The following HERC4 variants were observed in gnomAD, a reference collection of about 807,000 sequenced individuals.
The protein encoded by HERC4 is probable E3 ubiquitin-protein ligase HERC4.
HERC4 carries 28 observed loss-of-function variants against 124.3 expected under a neutral mutation model. The ratio of observed to expected loss-of-function variants is 0.23; its 90% CI spans 0.17 to 0.31. The LOEUF (loss-of-function observed/expected upper bound fraction) is 0.31, where lower values mean the gene tolerates loss of function less well. Among genes scored for constraint, HERC4 ranks in the 10% least tolerant of loss-of-function variants. HERC4 has a pLI of 1.00. For missense variants in HERC4, 713 were observed against 1,229.3 expected (o/e 0.58, Z 6.28); for synonymous variants, 407 against 421.5 (o/e 0.97, Z 0.42).
In HERC4 at chr10:68,025,693, C is replaced by T; in HGVS notation, c.778-17G>A. ...TCCACCTTCCTAAAAAAAGACAAAA[C>T]CCCTTATCATTAGAAGGCATGATAA... On this transcript the variant is annotated splice_polypyrimidine_tract_variant and intron_variant, in intron 7 of 24. Transcript: ENST00000373700. The T allele has an allele frequency of 7.5e-6, 12 of 1,598,192 alleles. No individual in the cohort carries two copies. Among genetic ancestry groups the T allele is most frequent in the East Asian group, 2.2e-5 (1 of 44,490 alleles).
chr10:67,924,382 G>C (rs1478060915), intron 24 of HERC4, among the ~76,000 whole-genome samples: 1 of 152,126 alleles, frequency 6.6e-6, no homozygotes, highest in Non-Finnish European at 1.5e-5. Context: ...ACACAACCTA[G>C]ACAGTATATA....
intron 16 of HERC4, among the ~76,000 whole-genome samples, chr10:67,962,973 A>C (rs369813193): frequency 1.3e-5 from 2 of 152,208 alleles, no homozygotes; most frequent in African/African-American, 4.8e-5. Flanking sequence ...AATCTTCTCA[A>C]AACTTTTTAA....
intron 21 of HERC4, among the ~76,000 whole-genome samples, chr10:67,938,372 C>T (rs188718853): frequency 2.0e-3 from 302 of 147,372 alleles, no homozygotes; most frequent in Non-Finnish European, 3.1e-3. Flanking sequence ...ACCTGGGAGG[C>T]GGAGGTTGCA....
chr10:67,939,641 A>G lies in HERC4; in HGVS notation c.2518T>C (p.Leu840=), dbSNP rs1203351621. 6.2e-7 allele frequency: 1 copy of G among 1,604,610 alleles called. No homozygotes were observed. Among genetic ancestry groups the G allele is most frequent in the Admixed American group, 1.7e-5 (1 of 58,506 alleles). The change falls in exon 21 of 25, where the codon TTA becomes CTA. Residue 840 remains leucine, a synonymous_variant. Coordinates refer to ENST00000373700, the MANE Select transcript of HERC4 (RefSeq NM_015601.4). ...MPDVGRSMQQ[L]LDYPEDDIEE... is the part of the protein sequence containing the mutation. ...ATGTCATCTTCTGGATAATCCAGTA[A>G]CTGTTGCATGCTTCTGCAAAATAAT... is the stretch of plus-strand genomic sequence containing the variant.
intron 15 of HERC4, among the ~76,000 whole-genome samples, chr10:67,974,837 G>A (rs575171495): frequency 2.0e-5 from 3 of 152,276 alleles, no homozygotes; most frequent in Non-Finnish European, 4.4e-5. Context: ...TCAGGCTTCA[G>A]TATGCATATC....
chr10:67,977,906 G>A (rs934912376), intron 15 of HERC4, among the ~76,000 whole-genome samples: 11 of 151,630 alleles, frequency 7.3e-5, no homozygotes, highest in South Asian at 6.2e-4. Context: ...GCTTGAGCCT[G>A]GGAGGTAGAG....
rs1251118051 is a variant in HERC4 at position 68,075,251 on chromosome 10, G to T, written c.-216C>A. 2 of 153,106 alleles carry T rather than the reference G, an allele frequency of 1.3e-5. No homozygotes were observed. The highest frequency in any genetic ancestry group is 4.8e-5 in the African/African-American group (2 of 41,428). 9.5% of individuals were successfully genotyped at this position (153,106 alleles called of 1,614,324 possible). On this transcript the variant is annotated 5_prime_UTR_variant, in exon 1 of 25. Coordinates refer to ENST00000373700, the MANE Select transcript of HERC4 (RefSeq NM_015601.4). Reference sequence around the variant, plus strand: ...GAACGGGAGGCAAGCGGGGCGGAGAGCACCAGGGGTGGGGAGAGTTGGGGA... The same window carrying T: ...GAACGGGAGGCAAGCGGGGCGGAGATCACCAGGGGTGGGGAGAGTTGGGGA...
At chr10:67,932,922 G>A in intron 22 of HERC4, 142 bp from the exon 23 acceptor site, 1 of 644,290 alleles carries the variant, frequency 1.6e-6, no homozygotes, top group South Asian at 2.4e-5. Flanking sequence ...CGTTCAAACA[G>A]GACAAAACCA....
chr10:68,028,218 A>C (rs2133302576), intron 7 of HERC4, among the ~76,000 whole-genome samples: 1 of 151,818 alleles, frequency 6.6e-6, no homozygotes, highest in South Asian at 2.1e-4. Context: ...TGAAAGGCAG[A>C]ATACTTGATT....
At chr10:68,031,501 T>C (rs1481004174) in intron 7 of HERC4, among the ~76,000 whole-genome samples, 1 of 152,118 alleles carries the variant, frequency 6.6e-6, no homozygotes, top group African/African-American at 2.4e-5. Context: ...AATTGCAGTT[T>C]TTACCATTAA....
intron 3 of HERC4, among the ~76,000 whole-genome samples, chr10:68,055,847 G>T (rs2040521746): frequency 6.6e-6 from 1 of 151,796 alleles, no homozygotes; most frequent in Non-Finnish European, 1.5e-5. Flanking sequence ...TGCCTCCTGG[G>T]TTCAAGCGAT....
At chr10:67,925,883 G>GA (rs980782272) in intron 23 of HERC4, among the ~76,000 whole-genome samples, 2 of 152,126 alleles carry the variant, frequency 1.3e-5, no homozygotes, top group African/African-American at 4.8e-5. Context: ...CCTTGGAAGT[G>GA]AATCTCTATC....
At chr10:68,040,379 T>A in intron 4 of HERC4, 1 of 948,172 alleles carries the variant, frequency 1.1e-6, no homozygotes. Context: ...GAATGGGGGA[T>A]ATTGGCTTTG....
chr10:68,048,134 G>C (rs2040109465), intron 3 of HERC4, among the ~76,000 whole-genome samples: 1 of 151,816 alleles, frequency 6.6e-6, no homozygotes, highest in Non-Finnish European at 1.5e-5. Flanking sequence ...GCCCAGGCTG[G>C]TCATGAACTC....
chr10:68,054,367 T>C lies in HERC4; in HGVS notation c.227-9804A>G, dbSNP rs891417099. On this transcript the variant is annotated intron_variant, in intron 3 of 24. Coordinates refer to ENST00000373700, the MANE Select transcript of HERC4 (RefSeq NM_015601.4). ...ATTTAATGATTTTTTTTTTTTTTTTTCAGACCGAGTCTCACTAACTCTGTT... is the reference window on the plus strand; with the variant it reads ...ATTTAATGATTTTTTTTTTTTTTTTCCAGACCGAGTCTCACTAACTCTGTT... Among the ~76,000 whole-genome samples, 14 of 151,570 alleles carry C rather than the reference T, an allele frequency of 9.2e-5. No individual in the cohort carries two copies. The East Asian group carries it at 1.2e-3, about 13-fold the overall frequency.
intron 6 of HERC4, 152 bp from the exon 7 acceptor site, chr10:68,033,021 C>T (rs1421849461): frequency 3.3e-6 from 2 of 598,318 alleles, no homozygotes; most frequent in African/African-American, 3.7e-5. Flanking sequence ...CTTACTAAGT[C>T]AGGTTCCCAG....
intron 9 of HERC4, among the ~76,000 whole-genome samples, chr10:68,002,790 G>A (rs1281938065): frequency 2.0e-5 from 3 of 151,898 alleles, no homozygotes. Flanking sequence ...AGTTCAGACG[G>A]AGTTTCACCA....
At chr10:68,046,064 T>G (rs1450925761) in intron 3 of HERC4, among the ~76,000 whole-genome samples, 1 of 152,028 alleles carries the variant, frequency 6.6e-6, no homozygotes, top group Non-Finnish European at 1.5e-5. Flanking sequence ...TTGTATAGCT[T>G]TTAAAAAAGT....
chr10:67,953,309 C>T (rs1325974395), intron 19 of HERC4, among the ~76,000 whole-genome samples: 1 of 152,100 alleles, frequency 6.6e-6, no homozygotes, highest in Non-Finnish European at 1.5e-5. Flanking sequence ...TAAATTATAT[C>T]AAAACTATAT....
Sources: allele counts gnomAD v4.1 joint callset (sites outside exome capture counted in the v4.1 genomes callset), GRCh38; gene constraint gnomAD v4.1.1; transcripts MANE v1.5; gene names NCBI Gene and HGNC (gene_info 2026-07-23, HGNC 2026-07-21).